The following CELF2 variants were observed in gnomAD, a reference collection of about 807,000 sequenced individuals.
CELF2 encodes CUGBP Elav-like family member 2.
CELF2 carries 8 observed loss-of-function variants against 62.6 expected under a neutral mutation model. That is an observed-to-expected ratio of 0.13 (90% confidence interval 0.07 to 0.23). CELF2 has a LOEUF of 0.23. CELF2 is among the 10% of genes least tolerant of loss of function. The pLI, the probability that CELF2 is intolerant of heterozygous loss-of-function variation, is 1.00. For synonymous variants in CELF2, 258 were observed against 250.0 expected (o/e 1.03, Z -0.30); for missense variants, 333 against 671.0 (o/e 0.50, Z 5.56).
At chr10:11,161,875 A>G (rs532826097) in intron 1 of CELF2, among the ~76,000 whole-genome samples, 3 of 152,190 alleles carry the variant, frequency 2.0e-5, no homozygotes, top group Non-Finnish European at 4.4e-5. Flanking sequence ...CTTAGTTTCT[A>G]GCAGGTACCT....
At chr10:11,245,389 A>G (rs1360744567) in intron 3 of CELF2, among the ~76,000 whole-genome samples, 1 of 152,226 alleles carries the variant, frequency 6.6e-6, no homozygotes, top group Non-Finnish European at 1.5e-5. Flanking sequence ...TTATTAATAC[A>G]GTCCTGATTG....
chr10:11,128,558 G>A (rs537889236), intron 1 of CELF2, among the ~76,000 whole-genome samples: 105 of 152,140 alleles, frequency 6.9e-4, no homozygotes, highest in African/African-American at 2.1e-3. Flanking sequence ...TTCATTGAGT[G>A]GTTGTTTGTA....
chr10:11,328,793 C>T lies in CELF2; in HGVS notation c.1439-133C>T, dbSNP rs1044071068. Reference sequence around the variant, plus strand: ...CTCACGGTGGACTCACGATCAGTTCCGCAGAGCTGTGCTGGGCCCGTGGGG... The same window carrying T: ...CTCACGGTGGACTCACGATCAGTTCTGCAGAGCTGTGCTGGGCCCGTGGGG... On this transcript the variant is annotated intron_variant, in intron 12 of 12. Transcript: ENST00000633077. The surrounding 1 kb of genome is among the most constrained non-coding windows in gnomAD (Gnocchi z 6.4). The T allele has an allele frequency of 5.6e-5, 56 of 994,288 alleles. 1 individual carries two copies. Among genetic ancestry groups the T allele is most frequent in the South Asian group, 4.3e-4 (26 of 59,994 alleles). The allele number at this position is 994,288 out of a possible 1,614,324, so 61.6% of individuals were successfully genotyped here.
chr10:10,951,415 T>C (rs560187744), intron 2 of CELF2, among the ~76,000 whole-genome samples: 1 of 152,190 alleles, frequency 6.6e-6, no homozygotes, highest in South Asian at 2.1e-4. Flanking sequence ...GAGATTACAG[T>C]CATGAGTTAC....
intron 2 of CELF2, among the ~76,000 whole-genome samples, chr10:10,949,854 C>T (rs2048124901): frequency 6.7e-6 from 1 of 150,046 alleles, no homozygotes; most frequent in Non-Finnish European, 1.5e-5. Context: ...AAAAACTCAC[C>T]TACAAATTCA....
intron 1 of CELF2, among the ~76,000 whole-genome samples, chr10:11,164,074 T>G (rs751911163): frequency 2.0e-5 from 3 of 152,184 alleles, no homozygotes; most frequent in Non-Finnish European, 4.4e-5. Flanking sequence ...ACCTCTCTGC[T>G]TTTTGGGGTG....
Position 11,306,707 on chromosome 10 carries a change from A to T in CELF2, c.977-7432A>T, listed in dbSNP as rs552014873. ...CTTTCCACTTTAAGGCAAGTCATCT[A>T]GTTAATTTTTCTTAGTCTCATGCTT... On this transcript the variant is annotated intron_variant, in intron 9 of 12. Coordinates refer to ENST00000633077, the MANE Select transcript of CELF2 (RefSeq NM_001326342.2). The surrounding 1 kb of genome is among the most constrained non-coding windows in gnomAD (Gnocchi z 4.4). Among the ~76,000 whole-genome samples the T allele has an allele frequency of 5.9e-5, 9 of 152,238 alleles. No homozygotes were observed. The South Asian group carries it at 1.9e-3, about 32-fold the overall frequency.
the CELF2 span, among the ~76,000 whole-genome samples, chr10:10,494,789 C>A: frequency 6.6e-6 from 1 of 152,118 alleles, no homozygotes; most frequent in Non-Finnish European, 1.5e-5. Flanking sequence ...TATGATTAGA[C>A]TCTGGGATTT....
the CELF2 span, among the ~76,000 whole-genome samples, chr10:10,479,329 C>T: frequency 1.3e-4 from 19 of 151,914 alleles, no homozygotes; most frequent in Non-Finnish European, 2.1e-4. Flanking sequence ...CCACCGTGCC[C>T]GGATAATTTT....
the CELF2 span, among the ~76,000 whole-genome samples, chr10:10,548,096 GC>G: frequency 6.6e-6 from 1 of 152,130 alleles, no homozygotes; most frequent in Non-Finnish European, 1.5e-5. Flanking sequence ...TCAGCCAGGG[GC>G]CATTGGTTTC....
At chr10:10,864,496 G>A (rs1457507220) in intron 1 of CELF2, among the ~76,000 whole-genome samples, 1 of 152,152 alleles carries the variant, frequency 6.6e-6, no homozygotes, top group Non-Finnish European at 1.5e-5. Context: ...CAGTTCTGGG[G>A]ATGGTGGAAG....
chr10:10,891,024 AAACAACAAC>A (rs3028996), intron 1 of CELF2, among the ~76,000 whole-genome samples: 25 of 151,290 alleles, frequency 1.7e-4, no homozygotes, highest in African/African-American at 5.6e-4. Flanking sequence ...TCAAAAAAAC[AAACAACAAC>A]AACAACAACA....
chr10:11,113,799 T>G (rs1284744722), intron 1 of CELF2, among the ~76,000 whole-genome samples: 2 of 152,200 alleles, frequency 1.3e-5, no homozygotes, highest in African/African-American at 2.4e-5. Context: ...GCAGCCAGCC[T>G]AGGAACACAA....
intron 2 of CELF2, among the ~76,000 whole-genome samples, chr10:10,999,052 C>A (rs2054257374): frequency 6.6e-6 from 1 of 152,208 alleles, no homozygotes; most frequent in African/African-American, 2.4e-5. Flanking sequence ...TCAAGTTTAT[C>A]ATTCCATCTC....
the CELF2 span, among the ~76,000 whole-genome samples, chr10:10,604,944 T>C: frequency 6.6e-6 from 1 of 152,208 alleles, no homozygotes; most frequent in Non-Finnish European, 1.5e-5. Context: ...GGAACGTGAA[T>C]CATTCTATTA....
Position 11,318,604 on chromosome 10 carries a change from T to C in CELF2, c.1097-2585T>C. 1 of 375,308 alleles carries C rather than the reference T, an allele frequency of 2.7e-6. No individual in the cohort carries two copies. Among genetic ancestry groups the C allele is most frequent in the East Asian group, 7.3e-5 (1 of 13,690 alleles). The allele number at this position is 375,308 out of a possible 1,614,324, so 23.2% of individuals were successfully genotyped here. ...AGGATGTGGCTGGAATGTCACTGGCTGGAGCTCCAAGCCTCACAATACCCT... is the reference window on the plus strand; with the variant it reads ...AGGATGTGGCTGGAATGTCACTGGCCGGAGCTCCAAGCCTCACAATACCCT... On this transcript the variant is annotated intron_variant, in intron 10 of 12. Transcript: ENST00000633077. This position sits in a 1 kb window ranked among gnomAD's most constrained non-coding sequence, Gnocchi z 5.4.
chr10:10,894,271 A>G (rs542428221), intron 1 of CELF2, among the ~76,000 whole-genome samples: 25 of 152,328 alleles, frequency 1.6e-4, no homozygotes, highest in African/African-American at 5.8e-4. Context: ...TAAAGAGCCA[A>G]ATAGAATAAA....
chr10:11,334,809 A>G lies in CELF2; in HGVS notation c.*5756A>G, dbSNP rs537509044. The G allele has an allele frequency of 1.3e-5, 2 of 152,334 alleles. No homozygotes were observed. Among genetic ancestry groups the G allele is most frequent in the South Asian group, 4.1e-4 (2 of 4,832 alleles). The allele number at this position is 152,334 out of a possible 1,614,324, so 9.4% of individuals were successfully genotyped here. A position where few individuals can be genotyped will look rare whatever the true frequency, so the allele number is the denominator to read the frequency against. On this transcript the variant is annotated 3_prime_UTR_variant, in exon 13 of 13. Transcript: ENST00000633077. ...GTCCAACTCTTCTTAGACACTAATC[A>G]CTTTCTAAAAGAAGTGAGTTCTCCA...
chr10:11,112,037 T>A (rs2055308176), intron 1 of CELF2, among the ~76,000 whole-genome samples: 1 of 152,362 alleles, frequency 6.6e-6, no homozygotes, highest in African/African-American at 2.4e-5. Context: ...TACTGGCTTA[T>A]TTCTGGTCTC....
Sources: allele counts gnomAD v4.1 joint callset (sites outside exome capture counted in the v4.1 genomes callset), GRCh38; gene constraint gnomAD v4.1.1; non-coding constraint Gnocchi (gnomAD v3.1); transcripts MANE v1.5; gene names NCBI Gene and HGNC (gene_info 2026-07-23, HGNC 2026-07-21).